The following DCC variants were observed in gnomAD, a reference collection of about 807,000 sequenced individuals.
DCC encodes netrin receptor DCC.
A neutral mutation model predicts 172.5 loss-of-function variants in DCC; 58 were observed. The observed-to-expected ratio is 0.34, with a 90% CI of 0.27 to 0.42. The LOEUF (loss-of-function observed/expected upper bound fraction) is 0.42. Ranked by LOEUF, DCC falls within the 10% of genes least tolerant of loss-of-function variation. The probability of loss-of-function intolerance (pLI) is 1.00; values close to 1 mark genes in which losing one functional copy is unlikely to be tolerated. For missense variants in DCC, 1,740 were observed against 1,791.0 expected (o/e 0.97, Z 0.51); for synonymous variants, 709 against 644.5 (o/e 1.10, Z -1.52).
In DCC at chr18:52,413,727, T is replaced by C. The variant is rs550705292; in HGVS notation, c.91+72849T>C. Among the ~76,000 whole-genome samples the C allele has an allele frequency of 2.0e-5, 3 of 152,258 alleles. No homozygotes were observed. In the South Asian group the frequency reaches 6.2e-4, roughly 32 times the overall value. On this transcript the variant is annotated intron_variant, in intron 1 of 28. Coordinates refer to ENST00000442544, the MANE Select transcript of DCC (RefSeq NM_005215.4). ...AAAACAAGCATACTTCTTTATAACA[T>C]GTTAGTATCGAAGACAGACACACTT...
chr18:53,227,672 C>A (rs888255754), intron 12 of DCC, among the ~76,000 whole-genome samples: 2 of 152,152 alleles, frequency 1.3e-5, no homozygotes, highest in African/African-American at 4.8e-5. Context: ...AACTTAAGAA[C>A]ATATTATGTA....
chr18:52,443,191 T>A (rs17827880), intron 1 of DCC, among the ~76,000 whole-genome samples: 1 of 152,196 alleles, frequency 6.6e-6, no homozygotes, highest in African/African-American at 2.4e-5. Flanking sequence ...GATGTTGTTA[T>A]AAGAAATATT....
At chr18:52,546,614 G>A (rs1179793348) in intron 1 of DCC, among the ~76,000 whole-genome samples, 1 of 151,906 alleles carries the variant, frequency 6.6e-6, no homozygotes, top group Non-Finnish European at 1.5e-5. Flanking sequence ...TGCAAACAGA[G>A]AAATTGAAGC....
intron 7 of DCC, among the ~76,000 whole-genome samples, chr18:53,075,185 G>A (rs2042707926): frequency 6.6e-6 from 1 of 152,128 alleles, no homozygotes; most frequent in Admixed American, 6.6e-5. Context: ...CAAGGTTAAG[G>A]GAAAAGTCCT....
intron 14 of DCC, among the ~76,000 whole-genome samples, chr18:53,329,337 ATCT>A (rs1202905092): frequency 6.6e-6 from 1 of 152,078 alleles, no homozygotes; most frequent in African/African-American, 2.4e-5. Flanking sequence ...AAGGAAAGAA[ATCT>A]TATTATTATA....
At chr18:53,195,120 G>A (rs1473273405) in intron 9 of DCC, among the ~76,000 whole-genome samples, 1 of 152,058 alleles carries the variant, frequency 6.6e-6, no homozygotes, top group African/African-American at 2.4e-5. Context: ...CTTGGCCCAA[G>A]GATACACTAA....
chr18:53,181,011 C>T (rs975067837), intron 9 of DCC, among the ~76,000 whole-genome samples: 1 of 152,038 alleles, frequency 6.6e-6, no homozygotes, highest in South Asian at 2.1e-4. Context: ...TGATTAAAAG[C>T]AAATTAGGTT....
intron 5 of DCC, among the ~76,000 whole-genome samples, chr18:53,017,669 C>T (rs117374450): frequency 0.028 from 4,214 of 152,170 alleles, 96 homozygotes; most frequent in Non-Finnish European, 0.039. Flanking sequence ...ATTATCACTC[C>T]TTCTAGAAAA....
chr18:52,675,806 C>A (rs376873076), intron 1 of DCC, among the ~76,000 whole-genome samples: 23 of 152,334 alleles, frequency 1.5e-4, no homozygotes, highest in East Asian at 1.3e-3. Context: ...GACTTTTACA[C>A]AATTAGCAAA....
chr18:52,713,188 C>A (rs1167528925), intron 1 of DCC, among the ~76,000 whole-genome samples: 2 of 152,188 alleles, frequency 1.3e-5, no homozygotes, highest in Non-Finnish European at 2.9e-5. Flanking sequence ...TCTCGCATAG[C>A]ATGTCTTTCA....
chr18:53,438,591 T>A (rs193066661), intron 22 of DCC, among the ~76,000 whole-genome samples: 87 of 152,362 alleles, frequency 5.7e-4, no homozygotes, highest in African/African-American at 2.0e-3. Context: ...TATTTTTAAT[T>A]GTGAAATCTG....
intron 5 of DCC, among the ~76,000 whole-genome samples, chr18:53,058,774 C>A (rs1329473879): frequency 6.6e-6 from 1 of 152,088 alleles, no homozygotes; most frequent in African/African-American, 2.4e-5. Context: ...AGATAAAGCA[C>A]ATGCACAAAT....
intron 14 of DCC, among the ~76,000 whole-genome samples, chr18:53,327,780 C>T (rs552870588): frequency 6.6e-6 from 1 of 152,336 alleles, no homozygotes; most frequent in South Asian, 2.1e-4. Context: ...GGTGATTTCA[C>T]TTGATGCTCA....
rs1378256462 is a variant in DCC at position 52,438,873 on chromosome 18, C to T, written c.91+97995C>T. On this transcript the variant is annotated intron_variant, in intron 1 of 28. Transcript: ENST00000442544. ...TACATTTAGGTAAATTACTTATAGT[C>T]GTGACTGAACAGCAGAGAATTGAAG... Among the ~76,000 whole-genome samples the T allele has an allele frequency of 2.6e-5, 4 of 152,184 alleles. No individual in the cohort carries two copies. In the South Asian group the frequency reaches 8.3e-4, roughly 32 times the overall value.
At chr18:52,696,766 G>C (rs1045501781) in intron 1 of DCC, among the ~76,000 whole-genome samples, 2 of 152,180 alleles carry the variant, frequency 1.3e-5, no homozygotes, top group Admixed American at 1.3e-4. Flanking sequence ...GATAAGATCA[G>C]GTACAATGAC....
chr18:52,887,021 G>A (rs2039580095), intron 2 of DCC, among the ~76,000 whole-genome samples: 1 of 152,088 alleles, frequency 6.6e-6, no homozygotes, highest in African/African-American at 2.4e-5. Context: ...TGCCCTCCTA[G>A]GCTCTTCTAG....
At chr18:52,359,704 G>T (rs542267653) in intron 1 of DCC, among the ~76,000 whole-genome samples, 6 of 152,246 alleles carry the variant, frequency 3.9e-5, no homozygotes, top group African/African-American at 1.4e-4. Flanking sequence ...TCTTGGGATT[G>T]TTTCTTTCTA....
chr18:53,029,893 T>A (rs1283927494), intron 5 of DCC, among the ~76,000 whole-genome samples: 1 of 152,124 alleles, frequency 6.6e-6, no homozygotes, highest in Non-Finnish European at 1.5e-5. Context: ...GTTTTTGTGC[T>A]GAGTTTGAGT....
intron 1 of DCC, among the ~76,000 whole-genome samples, chr18:52,386,013 C>T (rs780205383): frequency 1.2e-4 from 18 of 152,152 alleles, no homozygotes; most frequent in East Asian, 1.2e-3. Context: ...TGTATACTTA[C>T]GCAGATATAG....
Sources: gnomAD v4.1 joint callset for allele counts (sites outside exome capture counted in the v4.1 genomes callset) on GRCh38, gnomAD v4.1.1 for gene constraint, MANE v1.5 for transcripts, NCBI Gene and HGNC (gene_info 2026-07-23, HGNC 2026-07-21) for gene names.